The following ZDHHC11 variants were observed in gnomAD, a reference collection of about 807,000 sequenced individuals.
The protein encoded by ZDHHC11 is palmitoyltransferase ZDHHC11.
A neutral mutation model predicts 51.3 loss-of-function variants in ZDHHC11; 44 were observed. That is an observed-to-expected ratio of 0.86 (90% CI 0.67 to 1.10). ZDHHC11 has a LOEUF of 1.10. ZDHHC11 is among the 50% of genes least tolerant of loss of function. ZDHHC11 has a pLI of 0.00. For synonymous variants in ZDHHC11, 163 were observed against 222.0 expected, an observed-to-expected ratio of 0.73 and a Z score of 2.36; for missense variants, 400 against 537.7, an observed-to-expected ratio of 0.74 and a Z score of 2.53.
intron 1 of ZDHHC11, among the ~76,000 whole-genome samples, chr5:857,280 C>T (rs1463156673): frequency 6.6e-6 from 1 of 152,194 alleles, no homozygotes; most frequent in African/African-American, 2.4e-5. Context: ...ACCCCAGGCG[C>T]CTCCTGTCTG....
intron 1 of ZDHHC11, among the ~76,000 whole-genome samples, chr5:856,391 CACAG>C (rs1005714029): frequency 3.3e-5 from 5 of 151,160 alleles, no homozygotes; most frequent in Non-Finnish European, 4.4e-5. Flanking sequence ...CAACACATAC[CACAG>C]ACACACAACA....
At chr5:849,234 T>C (rs1334313709) in intron 1 of ZDHHC11, among the ~76,000 whole-genome samples, 1 of 152,060 alleles carries the variant, frequency 6.6e-6, no homozygotes, top group Non-Finnish European at 1.5e-5. Context: ...TTTTGGTTCA[T>C]CCCTGTTGGA....
chr5:806,057 G>C (rs73023637), intron 11 of ZDHHC11, among the ~76,000 whole-genome samples: 4,574 of 150,762 alleles, frequency 0.03, 55 homozygotes, highest in East Asian at 0.14. Context: ...GGAGAATGGG[G>C]GAGGTGCTGG....
chr5:807,654 A>G (rs1165621862), intron 11 of ZDHHC11, among the ~76,000 whole-genome samples: 1 of 152,138 alleles, frequency 6.6e-6, no homozygotes, highest in Admixed American at 6.5e-5. Context: ...AGTGATGTTC[A>G]CAACTCCAGG....
intron 1 of ZDHHC11, chr5:850,168 C>G (rs1746940799): frequency 5.0e-6 from 3 of 599,832 alleles, no homozygotes. Context: ...CCGGAGCCCC[C>G]TCAGCCAACG....
intron 9 of ZDHHC11, among the ~76,000 whole-genome samples, chr5:820,246 T>G (rs1741394581): frequency 1.8e-5 from 2 of 112,708 alleles, no homozygotes; most frequent in Admixed American, 9.2e-5. Flanking sequence ...GAAGTGATAT[T>G]CAAGTGCTTC....
intron 11 of ZDHHC11, among the ~76,000 whole-genome samples, chr5:808,607 T>C (rs410544): frequency 0.71 from 94,137 of 132,618 alleles, 35,683 homozygotes; most frequent in Non-Finnish European, 0.86. Context: ...ACGATCTTGG[T>C]TCACTGCAAC....
chr5:859,848 T>TGG (rs58754878), upstream of ZDHHC11, among the ~76,000 whole-genome samples: 4 of 151,682 alleles, frequency 2.6e-5, no homozygotes, highest in African/African-American at 7.3e-5. Context: ...TCGTGTCGGT[T>TGG]GGGGGGGGTC....
At chr5:824,354 A>G (rs1177378164) in intron 8 of ZDHHC11, among the ~76,000 whole-genome samples, 1 of 151,398 alleles carries the variant, frequency 6.6e-6, no homozygotes, top group Non-Finnish European at 1.5e-5. Context: ...TCAGCTACTC[A>G]GGAGGCTAAG....
chr5:837,242 C>T, intron 6 of ZDHHC11, 123 bp downstream of exon 6: 1 of 1,095,040 alleles, frequency 9.1e-7, no homozygotes, highest in Non-Finnish European at 1.4e-6. Flanking sequence ...GACACACACA[C>T]AGCAGAGTCC....
chr5:803,424 T>C (rs1390720472), intron 11 of ZDHHC11, among the ~76,000 whole-genome samples: 1 of 151,416 alleles, frequency 6.6e-6, no homozygotes, highest in East Asian at 1.9e-4. Context: ...GCAACTTCAG[T>C]GACAAGAAAT....
chr5:806,453 G>A (rs965593580), intron 11 of ZDHHC11, among the ~76,000 whole-genome samples: 9 of 146,984 alleles, frequency 6.1e-5, no homozygotes, highest in Admixed American at 6.1e-4. Flanking sequence ...AGAAATAATA[G>A]ATGGCTATCT....
intron 9 of ZDHHC11, chr5:821,057 ACT>A (rs1296794329): frequency 6.6e-6 from 1 of 151,360 alleles, no homozygotes; most frequent in East Asian, 1.9e-4. Flanking sequence ...TTATCTCTTA[ACT>A]CCCTGAATAC....
chr5:804,865 T>A (rs1739023349), intron 11 of ZDHHC11, among the ~76,000 whole-genome samples: 1 of 151,194 alleles, frequency 6.6e-6, no homozygotes, highest in African/African-American at 2.4e-5. Context: ...AAATAAATTA[T>A]TTAGTCCTAA....
At chr5:822,067 A>T (rs1368995069) in intron 8 of ZDHHC11, among the ~76,000 whole-genome samples, 172 bp from the exon 9 acceptor site, 1 of 151,544 alleles carries the variant, frequency 6.6e-6, no homozygotes, top group Admixed American at 6.6e-5. Flanking sequence ...ACTTCCTCCC[A>T]ATCCTTGTAT....
intron 11 of ZDHHC11, among the ~76,000 whole-genome samples, chr5:803,076 A>G (rs1333505993): frequency 1.3e-5 from 2 of 150,776 alleles, no homozygotes; most frequent in Non-Finnish European, 3.0e-5. Context: ...AATGGTGTAC[A>G]TGAGCCAGCT....
intron 7 of ZDHHC11, among the ~76,000 whole-genome samples, 162 bp from the exon 8 acceptor site, chr5:825,413 C>G (rs1742207632): frequency 6.6e-6 from 1 of 152,060 alleles, no homozygotes; most frequent in Non-Finnish European, 1.5e-5. Context: ...CTAAGTACTC[C>G]TGCGTTATGT....
chr5:856,389 A>C (rs1436615718), intron 1 of ZDHHC11, among the ~76,000 whole-genome samples: 2 of 151,422 alleles, frequency 1.3e-5, no homozygotes, highest in Non-Finnish European at 2.9e-5. Context: ...CACAACACAT[A>C]CCACAGACAC....
intron 7 of ZDHHC11, among the ~76,000 whole-genome samples, chr5:833,229 G>T (rs1220205872): frequency 6.6e-6 from 1 of 152,270 alleles, no homozygotes; most frequent in Non-Finnish European, 1.5e-5. Context: ...CGTGCCCTTT[G>T]ACTCTCAGCT....
Sources: allele counts gnomAD v4.1 joint callset (sites outside exome capture counted in the v4.1 genomes callset), GRCh38; gene constraint gnomAD v4.1.1; transcripts MANE v1.5; gene names NCBI Gene and HGNC (gene_info 2026-07-23, HGNC 2026-07-21).